RPTOR: variants seen among roughly 807,000 people sequenced by gnomAD.
The protein encoded by RPTOR is regulatory associated protein of MTOR complex 1.
RPTOR carries 21 observed loss-of-function variants against 169.9 expected under a neutral mutation model. The ratio of observed to expected loss-of-function variants is 0.12; its 90% CI spans 0.09 to 0.18. The LOEUF (loss-of-function observed/expected upper bound fraction) is 0.18. Among genes scored for constraint, RPTOR ranks in the 10% least tolerant of loss-of-function variants. The pLI is 1.00. For synonymous variants in RPTOR, 732 were observed against 753.2 expected (o/e 0.97, Z 0.46); for missense variants, 1,133 against 1,855.9 (o/e 0.61, Z 7.16).
chr17:80,565,016 A>G (rs1012089156), intron 1 of RPTOR, among the ~76,000 whole-genome samples: 1 of 151,978 alleles, frequency 6.6e-6, no homozygotes, highest in African/African-American at 2.4e-5. Flanking sequence ...TTCTTATCTG[A>G]TCTGTCATTG....
At chr17:80,663,060 A>T (rs1337971708) in intron 3 of RPTOR, among the ~76,000 whole-genome samples, 1 of 152,050 alleles carries the variant, frequency 6.6e-6, no homozygotes, top group Admixed American at 6.6e-5. Context: ...TTCTACAGTG[A>T]CCACATGTGA....
At chr17:80,748,205 C>T (rs1215757404) in intron 5 of RPTOR, among the ~76,000 whole-genome samples, 6 of 110,440 alleles carry the variant, frequency 5.4e-5, no homozygotes, top group African/African-American at 9.3e-5. Context: ...GTTTGGAGGC[C>T]GTGGCGGGAG....
chr17:80,956,467 G>A lies in RPTOR; in HGVS notation c.3371-1157G>A, dbSNP rs112257361. ...CGTCCATCCCTTGCTGACGCCAGCCGTCGGGAGTCAGCCCCTTGCTGTCTG... is the reference window on the plus strand; with the variant it reads ...CGTCCATCCCTTGCTGACGCCAGCCATCGGGAGTCAGCCCCTTGCTGTCTG... On this transcript the variant is annotated intron_variant, in intron 28 of 33. Transcript: ENST00000306801. 3.1e-3 allele frequency among the ~76,000 whole-genome samples: 469 copies of A among 152,374 alleles called. 5 individuals carry two copies. The highest frequency in any genetic ancestry group is 0.011 in the African/African-American group (446 of 41,594).
intron 3 of RPTOR, among the ~76,000 whole-genome samples, chr17:80,682,113 C>A (rs1441641860): frequency 1.6e-5 from 1 of 64,412 alleles, no homozygotes; most frequent in Non-Finnish European, 3.2e-5. Flanking sequence ...TAGGTCCCCC[C>A]CCCCACCCCA....
intron 7 of RPTOR, among the ~76,000 whole-genome samples, chr17:80,813,847 GT>G (rs1193978318): frequency 1.3e-5 from 2 of 152,164 alleles, no homozygotes; most frequent in Non-Finnish European, 2.9e-5. Flanking sequence ...AAATCATACA[GT>G]TTTGACTCGG....
rs908337888 is a variant in RPTOR at position 80,651,542 on chromosome 17, T to A, written c.348+7732T>A. 1.3e-5 allele frequency among the ~76,000 whole-genome samples: 2 copies of A among 152,088 alleles called. No homozygotes were observed. The highest frequency in any genetic ancestry group is 2.1e-4 in the South Asian group (1 of 4,824). On this transcript the variant is annotated intron_variant, in intron 3 of 33. Coordinates refer to ENST00000306801, the MANE Select transcript of RPTOR (RefSeq NM_020761.3). The surrounding 1 kb of genome is among the most constrained non-coding windows in gnomAD (Gnocchi z 4.1). Reference sequence around the variant, plus strand: ...GTATGACACATAATGGAGATTTTTTTAAAATGGACATACGAAGCACATAAC... The same window carrying A: ...GTATGACACATAATGGAGATTTTTTAAAAATGGACATACGAAGCACATAAC...
intron 6 of RPTOR, among the ~76,000 whole-genome samples, chr17:80,775,900 G>T (rs2066887764): frequency 6.6e-6 from 1 of 152,096 alleles, no homozygotes; most frequent in Admixed American, 6.5e-5. Flanking sequence ...TTAATTTGAA[G>T]ATCACTGATT....
chr17:80,678,639 A>G (rs913648247), intron 3 of RPTOR, among the ~76,000 whole-genome samples: 17 of 152,268 alleles, frequency 1.1e-4, no homozygotes, highest in African/African-American at 3.9e-4. Context: ...TACTTGAGCC[A>G]GAGCAACGCC....
At chr17:80,661,343 G>C (rs1286206763) in intron 3 of RPTOR, among the ~76,000 whole-genome samples, 1 of 152,184 alleles carries the variant, frequency 6.6e-6, no homozygotes, top group Non-Finnish European at 1.5e-5. Flanking sequence ...CTATTGCAGA[G>C]TCGGAGCCGG....
intron 20 of RPTOR, among the ~76,000 whole-genome samples, chr17:80,897,698 C>T (rs1426475874): frequency 6.6e-6 from 1 of 152,198 alleles, no homozygotes; most frequent in Non-Finnish European, 1.5e-5. Context: ...TTGTCCTGAC[C>T]TGGCTGGTTT....
intron 7 of RPTOR, among the ~76,000 whole-genome samples, chr17:80,816,162 T>G (rs2067320966): frequency 3.9e-5 from 6 of 152,166 alleles, no homozygotes; most frequent in Admixed American, 3.3e-4. Flanking sequence ...TGGAGAACCT[T>G]GTATGTTTGG....
At chr17:80,863,411 A>T (rs2067942979) in intron 13 of RPTOR, among the ~76,000 whole-genome samples, 2 of 152,208 alleles carry the variant, frequency 1.3e-5, no homozygotes, top group Admixed American at 1.3e-4. Flanking sequence ...AAATCAACCC[A>T]TTAAAACCTG....
rs534122982 is a variant in RPTOR, at chr17:80,964,900, A to G, written c.*570A>G. The G allele has an allele frequency of 1.1e-3, 253 of 233,760 alleles. 2 individuals carry two copies. The highest frequency in any genetic ancestry group is 5.1e-3 in the African/African-American group (230 of 45,442). The allele number at this position is 233,760 out of a possible 1,614,324, so 14.5% of individuals were successfully genotyped here. ...GAAACCAAGAGAGAGGAAGAAGGAG[A>G]CGCCCCTCCAACTGGCGGGTGTGAA... On this transcript the variant is annotated 3_prime_UTR_variant, in exon 34 of 34. Coordinates refer to ENST00000306801, the MANE Select transcript of RPTOR (RefSeq NM_020761.3).
intron 28 of RPTOR, 149 bp downstream of exon 28, chr17:80,949,696 G>T: frequency 4.5e-6 from 3 of 668,334 alleles, no homozygotes; most frequent in Non-Finnish European, 7.9e-6. Context: ...CCCCGCCAAT[G>T]TCCCCGAAAG....
intron 13 of RPTOR, among the ~76,000 whole-genome samples, chr17:80,858,410 G>A (rs1419939508): frequency 1.3e-5 from 2 of 152,266 alleles, no homozygotes; most frequent in African/African-American, 4.8e-5. Context: ...GGGCTGTCCA[G>A]CTCTGTCCTC....
Position 80,654,766 on chromosome 17 carries a change from A to T in RPTOR, c.348+10956A>T, listed in dbSNP as rs1009135838. Reference sequence around the variant, plus strand: ...TCTTAGCTGAAGTCCAATAAAATCCAAGAAGAAGGCACAGATAATCAGGGA... The same window carrying T: ...TCTTAGCTGAAGTCCAATAAAATCCTAGAAGAAGGCACAGATAATCAGGGA... On this transcript the variant is annotated intron_variant, in intron 3 of 33. Transcript: ENST00000306801. Among the ~76,000 whole-genome samples the T allele has an allele frequency of 2.0e-5, 3 of 152,212 alleles. No individual in the cohort carries two copies. The East Asian group carries it at 5.8e-4, about 29-fold the overall frequency.
At chr17:80,684,118 A>G (rs1166729637) in intron 3 of RPTOR, among the ~76,000 whole-genome samples, 2 of 151,818 alleles carry the variant, frequency 1.3e-5, no homozygotes, top group Non-Finnish European at 2.9e-5. Context: ...TGTAGATGCC[A>G]TGGTCAGAGT....
intron 7 of RPTOR, among the ~76,000 whole-genome samples, chr17:80,818,582 T>C (rs1598327569): frequency 6.6e-6 from 1 of 152,320 alleles, no homozygotes; most frequent in African/African-American, 2.4e-5. Flanking sequence ...CGGTTCCACC[T>C]TGTCACCCCC....
At chr17:80,778,003 T>C (rs953373530) in intron 6 of RPTOR, among the ~76,000 whole-genome samples, 2 of 152,226 alleles carry the variant, frequency 1.3e-5, no homozygotes, top group African/African-American at 4.8e-5. Context: ...TATTTCATTA[T>C]GCAGTTTATC....
Sources: allele counts gnomAD v4.1 joint callset (sites outside exome capture counted in the v4.1 genomes callset), GRCh38; gene constraint gnomAD v4.1.1; non-coding constraint Gnocchi (gnomAD v3.1); transcripts MANE v1.5; gene names NCBI Gene and HGNC (gene_info 2026-07-23, HGNC 2026-07-21).